P2RX5: variants seen among roughly 807,000 people sequenced by gnomAD.
The protein encoded by P2RX5 is P2X purinoceptor 5.
A neutral mutation model predicts 54.1 loss-of-function variants in P2RX5; 46 were observed. The observed-to-expected ratio is 0.85, with a 90% CI of 0.67 to 1.09. The LOEUF (loss-of-function observed/expected upper bound fraction) is 1.09, where lower values mean the gene tolerates loss of function less well. Among genes scored for constraint, P2RX5 ranks in the 50% least tolerant of loss-of-function variants. P2RX5 has a pLI of 0.00. For synonymous variants in P2RX5, 226 were observed against 226.4 expected, an observed-to-expected ratio of 1.00 and a Z score of 0.02; for missense variants, 566 against 549.8, an observed-to-expected ratio of 1.03 and a Z score of -0.29.
At chr17:3,711,301 G>C in the P2RX5 span, among the ~76,000 whole-genome samples, 17 of 149,292 alleles carry the variant, frequency 1.1e-4, no homozygotes, top group African/African-American at 4.3e-4. Context: ...ACCTAAATTG[G>C]CCACGTTATT....
intron 9 of P2RX5, 36 bp downstream of exon 9, chr17:3,687,976 C>G (rs771083241): frequency 3.3e-6 from 2 of 611,830 alleles, no homozygotes; most frequent in Non-Finnish European, 5.8e-6. Flanking sequence ...GCCCCCGCCC[C>G]CCGCCCAGCC....
chr17:3,719,250 AAAAAAAG>A, the P2RX5 span, among the ~76,000 whole-genome samples: 4 of 146,160 alleles, frequency 2.7e-5, no homozygotes, highest in African/African-American at 1.0e-4. Context: ...AAAAAAAAAA[AAAAAAAG>A]AAAAGAAAAG....
intron 11 of P2RX5, chr17:3,675,337 G>A (rs1298562517): frequency 1.0e-6 from 1 of 985,028 alleles, no homozygotes; most frequent in African/African-American, 1.7e-5. Context: ...ACCGTGCCCG[G>A]CTAGGAAGAC....
intron 11 of P2RX5, among the ~76,000 whole-genome samples, chr17:3,674,191 G>A (rs933346387): frequency 3.9e-5 from 6 of 152,140 alleles, no homozygotes; most frequent in East Asian, 3.9e-4. Flanking sequence ...AGCGCCTGTA[G>A]TCCCAGCTAC....
At chr17:3,704,717 A>ATGCT in the P2RX5 span, among the ~76,000 whole-genome samples, 1 of 152,126 alleles carries the variant, frequency 6.6e-6, no homozygotes, top group Non-Finnish European at 1.5e-5. Flanking sequence ...AAAAAGGATA[A>ATGCT]AGATTCAGGC....
At position 3,673,897 on chromosome 17, in the gene P2RX5, A is replaced by G. The variant is rs1483210938; in HGVS notation, c.1260-20T>C. ...GTGCTCCTGGAATATCAGAACAGAAAGGAGCTCTTGAGAGGCTGGCACTCT... is the reference window on the plus strand; with the variant it reads ...GTGCTCCTGGAATATCAGAACAGAAGGGAGCTCTTGAGAGGCTGGCACTCT... On this transcript the variant is annotated intron_variant, in intron 11 of 11. Transcript: ENST00000225328. 3 of 1,606,500 alleles carry G rather than the reference A, an allele frequency of 1.9e-6. No homozygotes were observed. Among genetic ancestry groups the G allele is most frequent in the Non-Finnish European group, 2.5e-6 (3 of 1,176,510 alleles).
rs541781415 is a variant in P2RX5, at chr17:3,673,523, C to T, written c.*345G>A. 3 of 1,268,558 alleles carry T rather than the reference C, an allele frequency of 2.4e-6. No homozygotes were observed. Among genetic ancestry groups the T allele is most frequent in the South Asian group, 3.4e-5 (2 of 59,620 alleles). The allele number at this position is 1,268,558 out of a possible 1,614,324, so 78.6% of individuals were successfully genotyped here. On this transcript the variant is annotated 3_prime_UTR_variant, in exon 12 of 12. Transcript: ENST00000225328. Reference sequence around the variant, plus strand: ...CCAGTGAGGTAATCTAGGAACTCTACAGGGCACTGCGGTCCTTAGCTGAGG... The same window carrying T: ...CCAGTGAGGTAATCTAGGAACTCTATAGGGCACTGCGGTCCTTAGCTGAGG...
the P2RX5 span, among the ~76,000 whole-genome samples, chr17:3,708,396 A>T: frequency 1.3e-5 from 2 of 152,092 alleles, no homozygotes; most frequent in Admixed American, 1.3e-4. Flanking sequence ...AGAAAAAGCT[A>T]ATGAGAAAAT....
rs1049385475 is a variant in P2RX5 at position 3,688,748 on chromosome 17, T to C, written c.765A>G (p.Ile255Met). The change falls in exon 8 of 12, where the codon ATA (isoleucine) becomes ATG (methionine). Residue 255 changes from isoleucine to methionine, a missense_variant. Physicochemically the swap from Ile to Met is conservative, Grantham distance 10. Transcript: ENST00000225328. ...FQDIALEGGVIGINIEWNCDL... is the reference protein window; with the variant it reads ...FQDIALEGGVMGINIEWNCDL... ...CACAGTTCCATTCAATATTAATTCCTATCACGCCACCCTTGATAAAAGAGA... is the reference window on the plus strand; with the variant it reads ...CACAGTTCCATTCAATATTAATTCCCATCACGCCACCCTTGATAAAAGAGA... 8.1e-6 allele frequency: 13 copies of C among 1,614,072 alleles called. No individual in the cohort carries two copies. The highest frequency in any genetic ancestry group is 1.6e-4 in the Middle Eastern group (1 of 6,062).
At chr17:3,708,073 A>C in the P2RX5 span, among the ~76,000 whole-genome samples, 7 of 151,502 alleles carry the variant, frequency 4.6e-5, no homozygotes, top group African/African-American at 7.3e-5. Flanking sequence ...AAAAAAAAAA[A>C]AAAAAAACAC....
In P2RX5 at chr17:3,674,685, G is replaced by T. The variant is rs966801139; in HGVS notation, c.1260-808C>A. Among the ~76,000 whole-genome samples, 3 of 152,316 alleles carry T rather than the reference G, an allele frequency of 2.0e-5. No individual in the cohort carries two copies. In the South Asian group the frequency reaches 6.2e-4, roughly 32 times the overall value. On this transcript the variant is annotated intron_variant, in intron 11 of 11. Transcript: ENST00000225328. ...TCTGCCGCCTTCACCCAGGTTCTCC[G>T]TTGCTCCTTCCCATATCAAAGCGTC...
intron 1 of P2RX5, 146 bp downstream of exon 1, chr17:3,695,723 C>G: frequency 4.4e-6 from 4 of 911,244 alleles, no homozygotes; most frequent in Non-Finnish European, 7.0e-6. Flanking sequence ...CCAAAGAGGA[C>G]CCCCACAGCA....
chr17:3,723,681 C>T, the P2RX5 span: 1 of 1,588,166 alleles, frequency 6.3e-7, no homozygotes, highest in Non-Finnish European at 8.6e-7. Flanking sequence ...GGGACGGCCG[C>T]GCTTACCTGA....
the P2RX5 span, chr17:3,716,900 C>T: frequency 3.0e-6 from 2 of 673,632 alleles, no homozygotes; most frequent in Admixed American, 4.9e-5. Flanking sequence ...TTGGCAACAA[C>T]CCGTGTATTG....
At chr17:3,695,541 GC>G in intron 1 of P2RX5, among the ~76,000 whole-genome samples, 1 of 152,256 alleles carries the variant, frequency 6.6e-6, no homozygotes, top group East Asian at 1.9e-4. Flanking sequence ...TGGCATCCCT[GC>G]CCCCTTCCCA....
chr17:3,693,465 G>C (rs2050673549), intron 1 of P2RX5, among the ~76,000 whole-genome samples: 1 of 152,226 alleles, frequency 6.6e-6, no homozygotes, highest in South Asian at 2.1e-4. Context: ...GCCAGGCACA[G>C]TGGCTCCCGC....
chr17:3,685,451 C>G lies in P2RX5; in HGVS notation c.981+2561G>C, dbSNP rs80215250. ...ACGGTCCTCCTGAACAGCAGCCTCC[C>G]CCTCCCTGCCAGTGCGGCCGCCGGG... On this transcript the variant is annotated intron_variant, in intron 9 of 11. Transcript: ENST00000225328. 4.5e-3 allele frequency: 690 copies of G among 154,346 alleles called. 9 individuals are homozygous for G. The highest frequency in any genetic ancestry group is 0.015 in the African/African-American group (612 of 41,620). 9.6% of individuals were successfully genotyped at this position (154,346 alleles called of 1,614,324 possible).
the P2RX5 span, among the ~76,000 whole-genome samples, chr17:3,711,370 C>CTTT: frequency 6.5e-3 from 408 of 63,082 alleles, 68 homozygotes; most frequent in East Asian, 9.1e-3. Context: ...AGCACTCATT[C>CTTT]TTTTTTTTTT....
chr17:3,677,831 C>T, intron 11 of P2RX5: 5 of 985,394 alleles, frequency 5.1e-6, no homozygotes, highest in Non-Finnish European at 6.0e-6. Context: ...AGCACCCTGG[C>T]CTGTCCCTTT....
Sources: gnomAD v4.1 joint callset for allele counts (sites outside exome capture counted in the v4.1 genomes callset) on GRCh38, gnomAD v4.1.1 for gene constraint, MANE v1.5 for transcripts, NCBI Gene and HGNC (gene_info 2026-07-23, HGNC 2026-07-21) for gene names.